The following JMJD1C variants were observed in gnomAD, a reference collection of about 807,000 sequenced individuals.
JMJD1C encodes the protein jumonji domain-containing protein 1C.
JMJD1C carries 31 observed loss-of-function variants against 245.3 expected under a neutral mutation model. The observed-to-expected ratio is 0.13, with a 90% CI of 0.09 to 0.17. The LOEUF (loss-of-function observed/expected upper bound fraction) is 0.17. JMJD1C is among the 10% of genes least tolerant of loss of function. The pLI, the probability that JMJD1C is intolerant of heterozygous loss-of-function variation, is 1.00. For missense variants in JMJD1C, 2,691 were observed against 3,000.2 expected, an observed-to-expected ratio of 0.90 and a Z score of 2.41; for synonymous variants, 1,057 against 1,017.4, an observed-to-expected ratio of 1.04 and a Z score of -0.74.
intron 3 of JMJD1C, among the ~76,000 whole-genome samples, chr10:63,253,986 T>C (rs1853484234): frequency 6.6e-6 from 1 of 152,194 alleles, no homozygotes; most frequent in South Asian, 2.1e-4. Flanking sequence ...CTTAAATATA[T>C]GAATTAATGA....
chr10:63,327,083 A>T (rs1941604389), intron 2 of JMJD1C, among the ~76,000 whole-genome samples: 1 of 152,134 alleles, frequency 6.6e-6, no homozygotes, highest in Non-Finnish European at 1.5e-5. Flanking sequence ...GCTACCGAGG[A>T]GGCTGAGGTA....
At chr10:63,388,555 G>T (rs1947805747) in intron 1 of JMJD1C, among the ~76,000 whole-genome samples, 1 of 152,098 alleles carries the variant, frequency 6.6e-6, no homozygotes, top group African/African-American at 2.4e-5. Context: ...AACCCCAGTG[G>T]TAGAGCAAAT....
chr10:63,313,963 T>TG (rs1179297182), intron 2 of JMJD1C, among the ~76,000 whole-genome samples: 3 of 152,254 alleles, frequency 2.0e-5, no homozygotes, highest in Admixed American at 6.5e-5. Context: ...TTGTTGCATT[T>TG]GCTTTTGGGT....
Position 63,208,454 on chromosome 10 carries a change from C to T in JMJD1C, c.3215G>A (p.Arg1072His), listed in dbSNP as rs371435641. The T allele has an allele frequency of 8.1e-6, 13 of 1,613,708 alleles. No individual in the cohort carries two copies. Among genetic ancestry groups the T allele is most frequent in the Middle Eastern group, 1.6e-4 (1 of 6,084 alleles). ...HIIKQDMDVE[R>H]SVSDLYKMKH... ...CATTTTATAAAGATCTGATACTGAG[C>T]GTTCTACATCCATATCTTGTTTGAT... Residue 1072 changes from arginine (R) to histidine (H), a missense_variant, in exon 10 of 26, where the codon CGC becomes CAC. Physicochemically the swap from Arg to His is conservative, Grantham distance 29. Around this residue, in one of 9 missense-constraint regions of JMJD1C, gnomAD observed 1,562 missense variants for 1,490.7 expected, o/e 1.05. Coordinates refer to ENST00000399262, the MANE Select transcript of JMJD1C (RefSeq NM_032776.3).
chr10:63,498,949 A>G (rs554158577), intron 1 of JMJD1C, among the ~76,000 whole-genome samples: 2 of 152,274 alleles, frequency 1.3e-5, no homozygotes, highest in South Asian at 4.1e-4. Flanking sequence ...ATTATTGTAG[A>G]TTCTTCTTAT....
chr10:63,498,860 T>C (rs577727653), intron 1 of JMJD1C, among the ~76,000 whole-genome samples: 58 of 152,296 alleles, frequency 3.8e-4, no homozygotes, highest in African/African-American at 1.2e-3. Context: ...TTTACGTCCA[T>C]TGAGCAACAA....
intron 2 of JMJD1C, among the ~76,000 whole-genome samples, chr10:63,377,129 A>G (rs191337673): frequency 4.2e-4 from 64 of 151,902 alleles, no homozygotes; most frequent in Admixed American, 1.4e-3. Context: ...TTTAACATGC[A>G]TGAACCCTGA....
intron 1 of JMJD1C, among the ~76,000 whole-genome samples, chr10:63,463,264 C>T (rs1487165053): frequency 6.6e-6 from 1 of 152,240 alleles, no homozygotes; most frequent in African/African-American, 2.4e-5. Context: ...TCACTGAGCT[C>T]AGGTGATCCT....
intron 2 of JMJD1C, among the ~76,000 whole-genome samples, chr10:63,356,510 C>G (rs967281696): frequency 6.6e-6 from 1 of 152,206 alleles, no homozygotes; most frequent in Non-Finnish European, 1.5e-5. Flanking sequence ...AAGGTTAGCA[C>G]AAGCACCTTC....
chr10:63,285,835 A>C (rs1213534461), intron 2 of JMJD1C, among the ~76,000 whole-genome samples: 2 of 152,160 alleles, frequency 1.3e-5, no homozygotes, highest in Non-Finnish European at 2.9e-5. Context: ...CAAACAAAAC[A>C]AAAAAACCTT....
chr10:63,271,349 G>A (rs1232330890), intron 2 of JMJD1C, among the ~76,000 whole-genome samples: 1 of 151,224 alleles, frequency 6.6e-6, no homozygotes, highest in Admixed American at 6.6e-5. Context: ...GCTAATTTTT[G>A]TATTTTCAGT....
At chr10:63,324,322 A>G (rs990042482) in intron 2 of JMJD1C, among the ~76,000 whole-genome samples, 9 of 152,046 alleles carry the variant, frequency 5.9e-5, no homozygotes, top group Non-Finnish European at 1.3e-4. Flanking sequence ...TACTGTCACA[A>G]AAGTAAGTAA....
intron 1 of JMJD1C, among the ~76,000 whole-genome samples, chr10:63,413,714 A>ATAAGAAAT (rs1949624882): frequency 1.3e-5 from 2 of 151,556 alleles, no homozygotes; most frequent in Non-Finnish European, 2.9e-5. Flanking sequence ...CAAATATTTT[A>ATAAGAAAT]ACTTTAGGAA....
intron 1 of JMJD1C, among the ~76,000 whole-genome samples, chr10:63,431,444 G>A (rs1950739861): frequency 6.6e-6 from 1 of 152,164 alleles, no homozygotes; most frequent in Admixed American, 6.5e-5. Flanking sequence ...AAGTATGGTG[G>A]TTTCTGAGGT....
intron 24 of JMJD1C, among the ~76,000 whole-genome samples, chr10:63,174,030 T>C (rs1351939474): frequency 6.6e-6 from 1 of 152,066 alleles, no homozygotes; most frequent in Non-Finnish European, 1.5e-5. Flanking sequence ...AAAACAAAAC[T>C]GACAGTAACA....
At chr10:63,288,806 G>A (rs951231392) in intron 2 of JMJD1C, among the ~76,000 whole-genome samples, 2 of 151,674 alleles carry the variant, frequency 1.3e-5, no homozygotes, top group Non-Finnish European at 2.9e-5. Flanking sequence ...TTGAACCCGG[G>A]AGGCAGAGGT....
chr10:63,343,572 T>C (rs57516989), intron 2 of JMJD1C, among the ~76,000 whole-genome samples: 5,645 of 152,150 alleles, frequency 0.037, 332 homozygotes, highest in East Asian at 0.29. Flanking sequence ...CATCTTAGCT[T>C]GAATGTAAAA....
intron 2 of JMJD1C, among the ~76,000 whole-genome samples, chr10:63,276,824 A>G (rs1275209537): frequency 6.6e-6 from 1 of 151,534 alleles, no homozygotes; most frequent in Non-Finnish European, 1.5e-5. Flanking sequence ...GACTCACTGA[A>G]GAGTGAGATA....
chr10:63,307,256 T>A (rs1342463799), intron 2 of JMJD1C, among the ~76,000 whole-genome samples: 1 of 152,222 alleles, frequency 6.6e-6, no homozygotes, highest in African/African-American at 2.4e-5. Flanking sequence ...ACAGATTTGC[T>A]GAAGCATTTA....
Sources: allele counts gnomAD v4.1 joint callset (sites outside exome capture counted in the v4.1 genomes callset), GRCh38; gene constraint gnomAD v4.1.1; regional missense constraint gnomAD v4.1.1; transcripts MANE v1.5; gene names NCBI Gene and HGNC (gene_info 2026-07-23, HGNC 2026-07-21).